The following NRK variants were observed in gnomAD, a reference collection of about 807,000 sequenced individuals.
The protein encoded by NRK is nik-related protein kinase.
Under a neutral mutation model 125.2 loss-of-function variants are expected in NRK, and 67 were observed. The observed-to-expected ratio is 0.54, with a 90% CI of 0.44 to 0.66. NRK has a LOEUF of 0.66. NRK is among the 30% of genes least tolerant of loss of function. The pLI is 0.00. For missense variants in NRK, 1,224 were observed against 1,192.9 expected, an observed-to-expected ratio of 1.03 and a Z score of -0.38; for synonymous variants, 458 against 429.0, an observed-to-expected ratio of 1.07 and a Z score of -0.84.
chrX:105,823,071 G>C (rs1476492446), intron 1 of NRK, among the ~76,000 whole-genome samples, 169 bp downstream of exon 1: 1 of 113,249 alleles, frequency 8.8e-6, no homozygotes, highest in African/African-American at 3.2e-5. Context: ...CGCCCCCTGG[G>C]CACCGGGACC....
chrX:105,937,430 T>C lies in NRK; in HGVS notation c.3656-9T>C, dbSNP rs1180458040. 8.7e-7 allele frequency: 1 copy of C among 1,152,569 alleles called. No homozygotes were observed. The highest frequency in any genetic ancestry group is 1.8e-5 in the African/African-American group (1 of 56,196). The allele number at this position is 1,152,569 out of a possible 1,213,427, so 95.0% of individuals were successfully genotyped here. ...CTGAGCTAATATAGCACTTTTTATA[T>C]ATGAACAGGAGTCAATTTGCTGTTG... On this transcript the variant is annotated splice_polypyrimidine_tract_variant and intron_variant, in intron 21 of 28. Coordinates refer to ENST00000243300, the MANE Select transcript of NRK (RefSeq NM_198465.4).
rs1223687023 is a variant in NRK, at chrX:105,838,760, C to T, written c.123+7641C>T. 5.5e-5 allele frequency among the ~76,000 whole-genome samples: 6 copies of T among 109,492 alleles called. No individual in the cohort carries two copies. In the East Asian group the frequency reaches 1.7e-3, roughly 31 times the overall value. On this transcript the variant is annotated intron_variant, in intron 2 of 28. Coordinates refer to ENST00000243300, the MANE Select transcript of NRK (RefSeq NM_198465.4). ...CAGACCATGGCCATATGTGAGCATC[C>T]ATCCTTGAAAGAGATCACAGGAGTC...
chrX:105,919,933 A>G (rs1315222132), intron 16 of NRK, among the ~76,000 whole-genome samples: 2 of 105,448 alleles, frequency 1.9e-5, no homozygotes, highest in Admixed American at 1.0e-4. Flanking sequence ...TTTTGTTGCC[A>G]TTGCTTTTGG....
rs2040988501 is a variant in NRK, at chrX:105,957,245, A to C, written c.*1645A>C. Reference sequence around the variant, plus strand: ...AAAACTGGCTTATCCTTGAGTGTTTACAACTCAAACAACTTTTTGAATGCA... The same window carrying C: ...AAAACTGGCTTATCCTTGAGTGTTTCCAACTCAAACAACTTTTTGAATGCA... On this transcript the variant is annotated 3_prime_UTR_variant, in exon 29 of 29. Transcript: ENST00000243300. 9.0e-6 allele frequency: 1 copy of C among 111,496 alleles called. No homozygotes were observed. Among genetic ancestry groups the C allele is most frequent in the Non-Finnish European group, 1.9e-5 (1 of 52,995 alleles). The allele number at this position is 111,496 out of a possible 1,213,427, so 9.2% of individuals were successfully genotyped here.
chrX:105,897,075 T>C (rs1187282338), intron 7 of NRK, among the ~76,000 whole-genome samples: 2 of 112,326 alleles, frequency 1.8e-5, no homozygotes, highest in Non-Finnish European at 3.8e-5. Context: ...ACAATGTCCA[T>C]GCACTAAAGT....
intron 11 of NRK, among the ~76,000 whole-genome samples, chrX:105,906,952 A>G (rs2040228730): frequency 9.0e-6 from 1 of 111,099 alleles, no homozygotes; most frequent in Non-Finnish European, 1.9e-5. Flanking sequence ...AACAAAATGT[A>G]TATCTTGCTT....
intron 2 of NRK, among the ~76,000 whole-genome samples, chrX:105,859,119 CT>C (rs2039569152): frequency 1.8e-5 from 2 of 111,508 alleles, no homozygotes; most frequent in African/African-American, 6.5e-5. Context: ...TACTGTCTTG[CT>C]TTACTGTAAT....
At chrX:105,901,752 C>T (rs774172752) in intron 9 of NRK, among the ~76,000 whole-genome samples, 22 of 111,140 alleles carry the variant, frequency 2.0e-4, no homozygotes, top group Non-Finnish European at 3.6e-4. Flanking sequence ...TATTATAATG[C>T]CCCCAAATCA....
At position 105,909,252 on chromosome X, in the gene NRK, A is replaced by G. The variant is rs1050887480; in HGVS notation, c.1611A>G (p.Glu537=). Residue 537 remains glutamate, a synonymous_variant, in exon 13 of 29, where the codon GAA becomes GAG. Transcript: ENST00000243300. ...AACAAAGGCAGGGCCAGGCCCCTGA[A>G]CAACAGCAGAGGCACAACCAGGTGC... ...PEQQRQGQAP[E]QQQRHNQVPE... 1 of 1,207,264 alleles carries G rather than the reference A, an allele frequency of 8.3e-7. No individual in the cohort carries two copies. Among genetic ancestry groups the G allele is most frequent in the Admixed American group, 2.2e-5 (1 of 45,522 alleles).
intron 2 of NRK, among the ~76,000 whole-genome samples, chrX:105,868,667 T>C (rs1207522109): frequency 9.1e-6 from 1 of 109,907 alleles, no homozygotes; most frequent in Non-Finnish European, 1.9e-5. Context: ...TTTTTCAGCT[T>C]GGCATTCTTT....
intron 2 of NRK, among the ~76,000 whole-genome samples, chrX:105,878,735 T>A (rs1237829256): frequency 1.8e-5 from 2 of 111,347 alleles, no homozygotes; most frequent in East Asian, 5.7e-4. Context: ...GTGGCTGGCA[T>A]GCTCCGCCCT....
chrX:105,953,011 AT>A (rs768057525), intron 27 of NRK, 22 bp from the exon 28 acceptor site: 24 of 1,081,540 alleles, frequency 2.2e-5, no homozygotes, highest in African/African-American at 3.7e-5. Flanking sequence ...TGTTTTTCTG[AT>A]TTTTTTTCAT....
At chrX:105,835,628 CT>C (rs111584644) in intron 2 of NRK, among the ~76,000 whole-genome samples, 11,607 of 96,887 alleles carry the variant, frequency 0.12, 1,717 homozygotes, top group African/African-American at 0.4. Flanking sequence ...AATTGGAGGA[CT>C]TTTTTTTTTT....
intron 17 of NRK, 65 bp downstream of exon 17, chrX:105,922,126 C>T: frequency 3.8e-6 from 2 of 532,897 alleles, no homozygotes; most frequent in Non-Finnish European, 6.3e-6. Flanking sequence ...TTGACTTACA[C>T]ATTCTCATAT....
In NRK at chrX:105,906,400, G is replaced by A; in HGVS notation, c.846-14G>A. 9.1e-7 allele frequency: 1 copy of A among 1,102,040 alleles called. No individual in the cohort carries two copies. The highest frequency in any genetic ancestry group is 1.2e-6 in the Non-Finnish European group (1 of 820,929). 90.8% of individuals were successfully genotyped at this position (1,102,040 alleles called of 1,213,427 possible). A position where few individuals can be genotyped will look rare whatever the true frequency, so the allele number is the denominator to read the frequency against. ...GAGAACACTTTTTTTTCCTCTCTTTGACTCATTTTTTAGGTCCCGTAAGTT... is the reference window on the plus strand; with the variant it reads ...GAGAACACTTTTTTTTCCTCTCTTTAACTCATTTTTTAGGTCCCGTAAGTT... On this transcript the variant is annotated splice_polypyrimidine_tract_variant and intron_variant, in intron 10 of 28. Transcript: ENST00000243300.
intron 1 of NRK, among the ~76,000 whole-genome samples, chrX:105,829,410 C>T (rs772928162): frequency 1.8e-5 from 2 of 112,038 alleles, no homozygotes; most frequent in Non-Finnish European, 3.8e-5. Flanking sequence ...GATTAAACAA[C>T]GTTTGTGTAT....
At chrX:105,954,532 T>A (rs934041931) in intron 28 of NRK, among the ~76,000 whole-genome samples, 1 of 110,612 alleles carries the variant, frequency 9.0e-6, no homozygotes, top group African/African-American at 3.3e-5. Flanking sequence ...ATATTTAAAT[T>A]TTAATAATTT....
At chrX:105,911,882 C>T (rs73533154) in intron 13 of NRK, among the ~76,000 whole-genome samples, 12,811 of 110,684 alleles carry the variant, frequency 0.12, 1,814 homozygotes, top group African/African-American at 0.4. Context: ...ATGTGGAAAG[C>T]CATTCTAAAA....
rs372548346 is a variant in NRK at position 105,831,857 on chromosome X, G to A, written c.123+738G>A. On this transcript the variant is annotated intron_variant, in intron 2 of 28. Transcript: ENST00000243300. ...ATTGTATCAAAAATTAAAAAAATGC[G>A]TAATGTACAGACTTTTGTTCTTGTC... 1.9e-3 allele frequency among the ~76,000 whole-genome samples: 217 copies of A among 111,714 alleles called. 1 individual carries two copies. Among genetic ancestry groups the A allele is most frequent in the African/African-American group, 6.5e-3 (199 of 30,788 alleles).
Sources: allele counts gnomAD v4.1 joint callset (sites outside exome capture counted in the v4.1 genomes callset), GRCh38; gene constraint gnomAD v4.1.1; transcripts MANE v1.5; gene names NCBI Gene and HGNC (gene_info 2026-07-23, HGNC 2026-07-21).